Variants in KCTD2 observed in about 807,000 individuals in gnomAD.
The protein encoded by KCTD2 is potassium channel tetramerization domain containing 2.
Under a neutral mutation model 27.9 loss-of-function variants are expected in KCTD2, and 18 were observed. That is an observed-to-expected ratio of 0.64 (90% CI 0.45 to 0.96). The LOEUF (loss-of-function observed/expected upper bound fraction) is 0.96, where lower values mean the gene tolerates loss of function less well. Ranked by LOEUF, KCTD2 falls within the 40% of genes least tolerant of loss-of-function variation. The probability of loss-of-function intolerance (pLI) is 0.00; values close to 1 mark genes in which losing one functional copy is unlikely to be tolerated. For synonymous variants in KCTD2, 175 were observed against 148.4 expected (o/e 1.18, Z -1.30); for missense variants, 280 against 348.0 (o/e 0.80, Z 1.56).
Position 75,047,340 on chromosome 17 carries a change from G to GC in KCTD2, c.96dup (p.Ser33GlnfsTer83). The GC allele has an allele frequency of 1.7e-6, 2 of 1,152,106 alleles. No homozygotes were observed. Among genetic ancestry groups the GC allele is most frequent in the Admixed American group, 4.8e-5 (1 of 21,036 alleles). 71.4% of individuals were successfully genotyped at this position (1,152,106 alleles called of 1,614,324 possible). A position where few individuals can be genotyped will look rare whatever the true frequency, so the allele number is the denominator to read the frequency against. On this transcript the variant is annotated frameshift_variant, in exon 1 of 6. Transcript: ENST00000322444. LOFTEE classifies it high-confidence loss of function. ...GCGACGGGGGTGGCCCAGTCCGCGG[G>GC]CCCCCCAGCCCACGCCCGGCTGGCC...
rs753707325 is a variant in KCTD2 at position 75,047,621 on chromosome 17, C to T, written c.339+32C>T. ...CCCGCCCTCGGGCGCGCCCCCGGGC[C>T]TTCGAACCCCCTGGTTTCTCGTAGA... On this transcript the variant is annotated intron_variant, in intron 1 of 5. Transcript: ENST00000322444. 2.7e-5 allele frequency: 43 copies of T among 1,586,484 alleles called. No homozygotes were observed. In the Middle Eastern group the frequency reaches 8.3e-4, roughly 31 times the overall value.
Position 75,032,663 on chromosome 17 carries a change from G to GT in KCTD2, c.-530dup, listed in dbSNP as rs559442785. ...TGGAGCTGGGAGTGAGGTTAGAGCT[G>GT]TAAGATCCAAGACCCAGGGAGACAA... On this transcript the variant is annotated 5_prime_UTR_variant, in exon 1 of 8. Transcript: ENST00000581589. The surrounding 1 kb of genome is among the most constrained non-coding windows in gnomAD (Gnocchi z 4.8). 6.6e-6 allele frequency: 1 copy of GT among 150,682 alleles called. No homozygotes were observed. Among genetic ancestry groups the GT allele is most frequent in the Admixed American group, 6.6e-5 (1 of 15,116 alleles). 9.3% of individuals were successfully genotyped at this position (150,682 alleles called of 1,614,324 possible). A position where few individuals can be genotyped will look rare whatever the true frequency, so the allele number is the denominator to read the frequency against.
At chr17:75,042,016 G>T (rs768080143) in intron 3 of KCTD2, 22 of 587,722 alleles carry the variant, frequency 3.7e-5, no homozygotes, top group Non-Finnish European at 1.5e-5. Context: ...CTAAATTCCT[G>T]CACCTATTTA....
chr17:75,046,718 G>GC (rs1364283064), upstream of KCTD2, among the ~76,000 whole-genome samples: 1 of 152,244 alleles, frequency 6.6e-6, no homozygotes, highest in Non-Finnish European at 1.5e-5. Flanking sequence ...ACACAGCCGG[G>GC]CCCCCCTGAC....
upstream of KCTD2, chr17:75,047,194 G>A (rs1189920003): frequency 1.9e-6 from 1 of 522,040 alleles, no homozygotes; most frequent in Admixed American, 5.2e-5. Flanking sequence ...TCTCCCTGCC[G>A]AGAAATGGGC....
chr17:75,062,999 C>A lies in KCTD2; in HGVS notation c.763-19C>A. On this transcript the variant is annotated intron_variant, in intron 5 of 5. Transcript: ENST00000322444. ...TTTCCCTCAGCAGCCTCAGCCTCTC[C>A]CCCATCTCCAACTTTCAGATTCTTC... The A allele has an allele frequency of 1.2e-6, 2 of 1,613,880 alleles. No homozygotes were observed. Among genetic ancestry groups the A allele is most frequent in the Non-Finnish European group, 1.7e-6 (2 of 1,179,846 alleles).
At chr17:75,038,352 A>G (rs1006571368) in intron 3 of KCTD2, among the ~76,000 whole-genome samples, 1 of 152,166 alleles carries the variant, frequency 6.6e-6, no homozygotes, top group Non-Finnish European at 1.5e-5. Flanking sequence ...CATCTTGGCC[A>G]GGCTGGTCTC....
intron 3 of KCTD2, chr17:75,039,021 T>A (rs1403402287): frequency 1.2e-6 from 2 of 1,614,042 alleles, no homozygotes; most frequent in African/African-American, 1.3e-5. Context: ...AAGTCCTCAA[T>A]GGTCATCTGA....
chr17:75,047,295 G>GGGC lies in KCTD2; in HGVS notation c.51_53dup (p.Gly18dup). The GGGC allele has an allele frequency of 8.6e-7, 1 of 1,161,252 alleles. No homozygotes were observed. Among genetic ancestry groups the GGGC allele is most frequent in the East Asian group, 3.7e-5 (1 of 26,998 alleles). 71.9% of individuals were successfully genotyped at this position (1,161,252 alleles called of 1,614,324 possible). On this transcript the variant is annotated inframe_insertion, in exon 1 of 6. Transcript: ENST00000322444. The stretch of plus-strand genomic sequence containing the variant: ...ACCCGGCGATGGCGGGGCTGGGAGG[G>GGGC]GGCGGCGGGAGTGGGGTGGGCGACG...
chr17:75,052,646 C>T lies in KCTD2; in HGVS notation c.449-368C>T, dbSNP rs1252588530. ...GCTGAGGCAGCAGAATCTCTTGAAC[C>T]CAGCAGGCGGAGTTTGCAGTGAGCC... On this transcript the variant is annotated intron_variant, in intron 2 of 5. Transcript: ENST00000322444. 2.0e-5 allele frequency among the ~76,000 whole-genome samples: 3 copies of T among 152,170 alleles called. No homozygotes were observed. In the East Asian group the frequency reaches 5.8e-4, roughly 29 times the overall value.
upstream of KCTD2, among the ~76,000 whole-genome samples, chr17:75,044,062 T>TC (rs1398747395): frequency 6.7e-6 from 1 of 149,336 alleles, no homozygotes; most frequent in Non-Finnish European, 1.5e-5. Context: ...TTTCACTCTG[T>TC]CCCCCGGGCT....
chr17:75,046,762 C>G (rs547431178), upstream of KCTD2, among the ~76,000 whole-genome samples: 4 of 152,318 alleles, frequency 2.6e-5, no homozygotes, highest in South Asian at 6.2e-4. Flanking sequence ...GAAGGGATCG[C>G]GGGGCGAGGA....
intron 3 of KCTD2, among the ~76,000 whole-genome samples, chr17:75,038,422 C>T (rs938073840): frequency 1.3e-5 from 2 of 152,190 alleles, no homozygotes; most frequent in Admixed American, 6.5e-5. Context: ...GGATTACAGG[C>T]GTGAGCCACC....
chr17:75,059,237 C>T (rs1161170931), intron 3 of KCTD2: 10 of 256,484 alleles, frequency 3.9e-5, no homozygotes, highest in Non-Finnish European at 7.3e-5. Context: ...AATTATTTTA[C>T]CTTTTTTATT....
upstream of KCTD2, among the ~76,000 whole-genome samples, chr17:75,043,300 C>T (rs926264765): frequency 3.3e-5 from 5 of 151,786 alleles, no homozygotes; most frequent in South Asian, 8.3e-4. Flanking sequence ...TCTCCCAACT[C>T]CTATTTAGCC....
At chr17:75,047,659 G>C (rs1296026224) in intron 1 of KCTD2, 70 bp downstream of exon 1, 2 of 1,485,668 alleles carry the variant, frequency 1.3e-6, no homozygotes, top group African/African-American at 2.9e-5. Flanking sequence ...GGTCCCCAGA[G>C]TCCTGAGACA....
At chr17:75,047,154 G>C (rs977296211), upstream of KCTD2, 1 of 323,466 alleles carries the variant, frequency 3.1e-6, no homozygotes, top group Non-Finnish European at 5.2e-6. Context: ...TCTCCCCTCT[G>C]CCCCACCCCC....
At chr17:75,062,699 A>AACACACACACACCCAC (rs2073416342) in intron 5 of KCTD2, among the ~76,000 whole-genome samples, 1 of 115,990 alleles carries the variant, frequency 8.6e-6, no homozygotes, top group African/African-American at 3.1e-5. Context: ...CCTCACCCCC[A>AACACACACACACCCAC]ACACACACAC....
chr17:75,034,008 T>A (rs1365652862), intron 1 of KCTD2: 1 of 152,226 alleles, frequency 6.6e-6, no homozygotes, highest in Non-Finnish European at 1.5e-5. Flanking sequence ...CGGAATTTTT[T>A]ATTTCTTTTC....
Sources: gnomAD v4.1 joint callset for allele counts (sites outside exome capture counted in the v4.1 genomes callset) on GRCh38, gnomAD v4.1.1 for gene constraint, Gnocchi (gnomAD v3.1) non-coding constraint, MANE v1.5 for transcripts, NCBI Gene and HGNC (gene_info 2026-07-23, HGNC 2026-07-21) for gene names.